Variants in MTRR observed in about 807,000 individuals in gnomAD.
MTRR encodes methionine synthase reductase.
MTRR carries 63 observed loss-of-function variants against 79.2 expected under a neutral mutation model. The observed-to-expected ratio is 0.80, with a 90% CI of 0.65 to 0.98. The LOEUF (loss-of-function observed/expected upper bound fraction) is 0.98, where lower values mean the gene tolerates loss of function less well. MTRR is among the 50% of genes least tolerant of loss of function. The pLI, the probability that MTRR is intolerant of heterozygous loss-of-function variation, is 0.00. For missense variants in MTRR, 895 were observed against 839.6 expected (o/e 1.07, Z -0.82); for synonymous variants, 355 against 313.3 (o/e 1.13, Z -1.41).
chr5:7,851,046 C>A, upstream of MTRR: 1 of 1,238,170 alleles, frequency 8.1e-7, no homozygotes, highest in South Asian at 3.8e-5. Flanking sequence ...GCGCCCCCGC[C>A]TTGGCCGCGG....
At chr5:7,888,795 G>T (rs1737043551) in intron 8 of MTRR, among the ~76,000 whole-genome samples, 1 of 152,166 alleles carries the variant, frequency 6.6e-6, no homozygotes, top group Non-Finnish European at 1.5e-5. Flanking sequence ...ACTTGTAATT[G>T]CATTGAAATA....
intron 1 of MTRR, among the ~76,000 whole-genome samples, chr5:7,853,590 A>T (rs1303584324): frequency 6.6e-6 from 1 of 152,148 alleles, no homozygotes; most frequent in Non-Finnish European, 1.5e-5. Flanking sequence ...AGCAGGAGAG[A>T]CACCAAGGAT....
At chr5:7,859,402 G>T in intron 1 of MTRR, 6 of 1,378,634 alleles carry the variant, frequency 4.4e-6, no homozygotes, top group Non-Finnish European at 5.1e-6. Context: ...AAAAATGCAA[G>T]TTCTTCCATT....
chr5:7,893,449 T>A lies in MTRR; in HGVS notation c.1557+536T>A, dbSNP rs17208127. 1,008 of 161,752 alleles carry A rather than the reference T, an allele frequency of 6.2e-3. 5 individuals are homozygous for A. The highest frequency in any genetic ancestry group is 9.4e-3 in the Non-Finnish European group (695 of 73,562). 10.0% of individuals were successfully genotyped at this position (161,752 alleles called of 1,614,324 possible). On this transcript the variant is annotated intron_variant, in intron 11 of 14. Transcript: ENST00000440940. ...CTTGTGCCATTATTGAGAAGACATA[T>A]GGCTGTAAATACTTTTACAACACCT... is the stretch of plus-strand genomic sequence containing the variant.
At position 7,870,867 on chromosome 5, in the gene MTRR, C is replaced by G. The variant is rs748657512; in HGVS notation, c.73C>G (p.Gln25Glu). Residue 25 changes from glutamine to glutamate, a missense_variant, in exon 2 of 15, where the codon CAA becomes GAA. Gln to Glu is a conservative substitution (Grantham distance 29). Transcript: ENST00000440940. Reference sequence around the variant, plus strand: ...GGCCATCGCAGAAGAAATATGTGAGCAAGCTGTGGTACATGGATTTTCTGC... The same window carrying G: ...GGCCATCGCAGAAGAAATATGTGAGGAAGCTGTGGTACATGGATTTTCTGC... ...AKAIAEEICE[Q>E]AVVHGFSADL... 1 of 1,614,162 alleles carries G rather than the reference C, an allele frequency of 6.2e-7. No homozygotes were observed. Among genetic ancestry groups the G allele is most frequent in the Non-Finnish European group, 8.5e-7 (1 of 1,180,014 alleles).
chr5:7,877,134 G>A (rs1333432471), intron 4 of MTRR, among the ~76,000 whole-genome samples: 2 of 152,148 alleles, frequency 1.3e-5, no homozygotes, highest in Non-Finnish European at 2.9e-5. Flanking sequence ...TTAGGAATTA[G>A]AATTTAATTG....
At chr5:7,857,373 T>G (rs971243923) in intron 1 of MTRR, among the ~76,000 whole-genome samples, 4 of 152,146 alleles carry the variant, frequency 2.6e-5, no homozygotes, top group African/African-American at 9.7e-5. Flanking sequence ...CTTGTCAAAT[T>G]TGCTCGTTAG....
At chr5:7,886,758 T>G in intron 8 of MTRR, 55 bp downstream of exon 8, 1 of 1,393,118 alleles carries the variant, frequency 7.2e-7, no homozygotes, top group South Asian at 1.2e-5. Context: ...TAGCTTTATT[T>G]AGGATTGATT....
At chr5:7,850,866 G>A (rs747993562), upstream of MTRR, 24 of 1,309,030 alleles carry the variant, frequency 1.8e-5, no homozygotes, top group South Asian at 3.1e-5. Flanking sequence ...CCCAGTCCGC[G>A]GTCCTCACCC....
intron 12 of MTRR, 53 bp downstream of exon 12, chr5:7,895,905 G>A: frequency 6.2e-7 from 1 of 1,609,070 alleles, no homozygotes; most frequent in Non-Finnish European, 8.5e-7. Flanking sequence ...AACCGTTTTT[G>A]TTTCTTTAGT....
Position 7,900,981 on chromosome 5 carries a change from A to G in MTRR, c.*923A>G, listed in dbSNP as rs1334097448. The G allele has an allele frequency of 6.6e-6, 1 of 152,170 alleles. No individual in the cohort carries two copies. The highest frequency in any genetic ancestry group is 2.4e-5 in the African/African-American group (1 of 41,432). The allele number at this position is 152,170 out of a possible 1,614,324, so 9.4% of individuals were successfully genotyped here. A position where few individuals can be genotyped will look rare whatever the true frequency, so the allele number is the denominator to read the frequency against. On this transcript the variant is annotated 3_prime_UTR_variant, in exon 15 of 15. Transcript: ENST00000440940. ...TCCCTGTTATAATTTGCACAAACAA[A>G]ACAAAATGTTATGATAATCTTTCTC...
intron 2 of MTRR, chr5:7,862,913 A>G (rs1267555427): frequency 2.5e-6 from 4 of 1,614,016 alleles, no homozygotes; most frequent in Admixed American, 3.3e-5. Flanking sequence ...ACATATCTAT[A>G]AAGCTGAGAA....
upstream of MTRR, among the ~76,000 whole-genome samples, chr5:7,865,105 G>A (rs1056088907): frequency 2.0e-5 from 3 of 152,086 alleles, no homozygotes; most frequent in African/African-American, 7.2e-5. Flanking sequence ...ACTTTGATTA[G>A]TGAGTCTCAT....
rs1221143878 is a variant in MTRR at position 7,878,225 on chromosome 5, T to C, written c.683T>C (p.Leu228Pro). 6.2e-7 allele frequency: 1 copy of C among 1,614,096 alleles called. No homozygotes were observed. Among genetic ancestry groups the C allele is most frequent in the African/African-American group, 1.3e-5 (1 of 74,936 alleles). Residue 228 changes from leucine to proline, a missense_variant, in exon 5 of 15, where the codon CTT becomes CCT. Physicochemically the swap from Leu to Pro is moderately conservative, Grantham distance 98 (BLOSUM62 -3). Coordinates refer to ENST00000440940, the MANE Select transcript of MTRR (RefSeq NM_002454.3). ...GTAATTGAAGACTTTGAGTCCTCAC[T>C]TACCCGTTCGGTACCCCCACTCTCA... ...NVVIEDFESS[L>P]TRSVPPLSQA...
At chr5:7,899,815 C>T in intron 14 of MTRR, 99 bp from the exon 15 acceptor site, 1 of 1,450,384 alleles carries the variant, frequency 6.9e-7, no homozygotes, top group Non-Finnish European at 9.7e-7. Flanking sequence ...GAGGGAAGAA[C>T]TATGGTGGTA....
At chr5:7,869,386 T>C in intron 1 of MTRR, 171 bp downstream of exon 1, 2 of 684,058 alleles carry the variant, frequency 2.9e-6, no homozygotes, top group Non-Finnish European at 4.9e-6. Context: ...GACTTGGCCT[T>C]TGGCCTTTGG....
chr5:7,857,829 G>T (rs576724258), intron 1 of MTRR, among the ~76,000 whole-genome samples: 5 of 152,352 alleles, frequency 3.3e-5, no homozygotes, highest in South Asian at 2.1e-4. Context: ...AGAGCCAAAT[G>T]AGACAGGATC....
chr5:7,867,550 T>TGC (rs1189285235), upstream of MTRR: 6 of 1,614,142 alleles, frequency 3.7e-6, no homozygotes, highest in Middle Eastern at 1.6e-4. Context: ...AAGCAGTCAC[T>TGC]AAACTAGTGT....
intron 3 of MTRR, 66 bp from the exon 4 acceptor site, chr5:7,875,192 T>C: frequency 9.9e-7 from 1 of 1,015,154 alleles, no homozygotes; most frequent in Admixed American, 1.7e-5. Flanking sequence ...ATATTTTATT[T>C]ACCTAGTCTT....
Sources: allele counts gnomAD v4.1 joint callset (sites outside exome capture counted in the v4.1 genomes callset), GRCh38; gene constraint gnomAD v4.1.1; transcripts MANE v1.5; gene names NCBI Gene and HGNC (gene_info 2026-07-23, HGNC 2026-07-21).